WWP1: variants seen among roughly 807,000 people sequenced by gnomAD.
WWP1 encodes NEDD4-like E3 ubiquitin-protein ligase WWP1.
WWP1 carries 49 observed loss-of-function variants against 130.6 expected under a neutral mutation model. That is an observed-to-expected ratio of 0.38 (90% CI 0.30 to 0.48). The LOEUF (loss-of-function observed/expected upper bound fraction) is 0.48, where lower values mean the gene tolerates loss of function less well. Ranked by LOEUF, WWP1 falls within the 20% of genes least tolerant of loss-of-function variation. WWP1 has a pLI of 0.99. For missense variants in WWP1, 809 were observed against 1,100.6 expected, an observed-to-expected ratio of 0.74 and a Z score of 3.75; for synonymous variants, 332 against 367.8, an observed-to-expected ratio of 0.90 and a Z score of 1.11.
intron 18 of WWP1, among the ~76,000 whole-genome samples, chr8:86,444,201 A>G (rs1238592023): frequency 6.6e-6 from 1 of 152,226 alleles, no homozygotes; most frequent in Non-Finnish European, 1.5e-5. Flanking sequence ...TAGAACTAAC[A>G]GTTTTCTGAC....
intron 5 of WWP1, among the ~76,000 whole-genome samples, chr8:86,392,155 T>A (rs10090846): frequency 0.045 from 6,905 of 152,200 alleles, 496 homozygotes; most frequent in African/African-American, 0.16. Context: ...GTGGTAGTGG[T>A]GCTGGGATTG....
At chr8:86,356,778 C>CT (rs1271088766) in intron 1 of WWP1, among the ~76,000 whole-genome samples, 1 of 152,196 alleles carries the variant, frequency 6.6e-6, no homozygotes, top group Non-Finnish European at 1.5e-5. Flanking sequence ...TGGAGGAAAG[C>CT]TGTCAATTTC....
At chr8:86,390,217 G>C (rs187513495) in intron 5 of WWP1, among the ~76,000 whole-genome samples, 2 of 150,952 alleles carry the variant, frequency 1.3e-5, no homozygotes, top group Non-Finnish European at 3.0e-5. Context: ...CAGACTGGGC[G>C]GCCGGGCAGA....
intron 17 of WWP1, among the ~76,000 whole-genome samples, chr8:86,439,083 C>A (rs1331932257): frequency 6.6e-6 from 1 of 151,032 alleles, no homozygotes; most frequent in Non-Finnish European, 1.5e-5. Flanking sequence ...GTGGCTTACG[C>A]CTGTAATCCC....
chr8:86,451,758 A>G (rs554749912), intron 20 of WWP1, among the ~76,000 whole-genome samples: 50 of 152,264 alleles, frequency 3.3e-4, no homozygotes, highest in Non-Finnish European at 7.1e-4. Flanking sequence ...GCTTCTCTGT[A>G]TGAGGTGGTG....
chr8:86,376,524 G>T (rs1381844248), intron 3 of WWP1, among the ~76,000 whole-genome samples: 5 of 152,090 alleles, frequency 3.3e-5, no homozygotes. Context: ...AGCCGAGATG[G>T]CGTCACTGCA....
At chr8:86,381,374 T>G in intron 4 of WWP1, 131 bp from the exon 5 acceptor site, 1 of 1,149,650 alleles carries the variant, frequency 8.7e-7, no homozygotes, top group Non-Finnish European at 1.2e-6. Context: ...CATACAATAT[T>G]TCTTCTCAAA....
In WWP1 at chr8:86,430,798, CATATATATATATATAT is replaced by C. The variant is rs36226595; in HGVS notation, c.1387+66_1387+81del. The C allele has an allele frequency of 1.5e-3, 308 of 202,376 alleles. 10 individuals are homozygous for C. The highest frequency in any genetic ancestry group is 4.1e-3 in the Middle Eastern group (2 of 482). 12.5% of individuals were successfully genotyped at this position (202,376 alleles called of 1,614,324 possible). A position where few individuals can be genotyped will look rare whatever the true frequency, so the allele number is the denominator to read the frequency against. On this transcript the variant is annotated intron_variant, in intron 12 of 24. Coordinates refer to ENST00000517970, the MANE Select transcript of WWP1 (RefSeq NM_007013.4). ...TCTATAAGGGAGATATATATCTCTC[CATATATATATATATAT>C]ATATATATATATATATATGTTCCTT...
rs906501858 is a variant in WWP1, at chr8:86,422,446, A to G, written c.1062-2777A>G. ...GCAATCTTGGCTCACTGCAACCTCT[A>G]CCTCCTGGGTTCAAGCAGTTATCGT... On this transcript the variant is annotated intron_variant, in intron 9 of 24. Transcript: ENST00000517970. Among the ~76,000 whole-genome samples the G allele has an allele frequency of 2.1e-4, 32 of 151,442 alleles. No homozygotes were observed. In the East Asian group the frequency reaches 3.9e-3, roughly 18 times the overall value.
intron 9 of WWP1, among the ~76,000 whole-genome samples, chr8:86,424,035 C>T (rs575698433): frequency 8.5e-4 from 127 of 148,918 alleles, no homozygotes; most frequent in Non-Finnish European, 1.7e-3. Context: ...GGAGACGCTC[C>T]TCACTTCCCA....
At chr8:86,415,878 T>C (rs1808863998) in intron 9 of WWP1, among the ~76,000 whole-genome samples, 1 of 152,244 alleles carries the variant, frequency 6.6e-6, no homozygotes, top group South Asian at 2.1e-4. Context: ...TTTTATTTTG[T>C]CTATTTCTAT....
intron 21 of WWP1, among the ~76,000 whole-genome samples, chr8:86,453,344 C>T (rs926922485): frequency 3.3e-5 from 5 of 152,094 alleles, no homozygotes; most frequent in African/African-American, 1.2e-4. Context: ...AAGGTTCATT[C>T]GTCCTGTAGC....
chr8:86,365,512 A>G lies in WWP1; in HGVS notation c.-114-3427A>G, dbSNP rs376058209. ...TGTTATTTGTCTGGTAGATATTGCA[A>G]GTACTCTTCAAATCACTGGAATGGT... is the stretch of plus-strand genomic sequence containing the variant. On this transcript the variant is annotated intron_variant, in intron 1 of 24. Coordinates refer to ENST00000517970, the MANE Select transcript of WWP1 (RefSeq NM_007013.4). Among the ~76,000 whole-genome samples, 13 of 152,322 alleles carry G rather than the reference A, an allele frequency of 8.5e-5. 1 individual carries two copies. In the South Asian group the frequency reaches 2.7e-3, roughly 32 times the overall value.
intron 12 of WWP1, among the ~76,000 whole-genome samples, chr8:86,431,195 ATATAT>A (rs1342265812): frequency 5.7e-5 from 8 of 140,422 alleles, no homozygotes; most frequent in East Asian, 2.0e-4. Context: ...ATAATATAAT[ATATAT>A]TATATTCTCT....
At chr8:86,424,424 A>G (rs1356907360) in intron 9 of WWP1, among the ~76,000 whole-genome samples, 2 of 151,986 alleles carry the variant, frequency 1.3e-5, no homozygotes, top group Admixed American at 6.5e-5. Context: ...AGAGGCTGCA[A>G]TCTCGGCACT....
intron 1 of WWP1, among the ~76,000 whole-genome samples, chr8:86,352,559 C>T (rs1201233249): frequency 4.0e-5 from 6 of 151,746 alleles, no homozygotes; most frequent in Non-Finnish European, 1.5e-5. Context: ...AGATGGGGGT[C>T]TTACCTTATT....
chr8:86,398,638 G>A lies in WWP1; in HGVS notation c.539G>A (p.Arg180Lys). 6.2e-7 allele frequency: 1 copy of A among 1,611,652 alleles called. No individual in the cohort carries two copies. Among genetic ancestry groups the A allele is most frequent in the Non-Finnish European group, 8.5e-7 (1 of 1,179,600 alleles). Residue 180 changes from arginine (R) to lysine (K), a missense_variant and splice_region_variant, in exon 7 of 25, where the codon AGG becomes AAG. By Grantham distance (26) the Arg-to-Lys change is conservative (BLOSUM62 2). Transcript: ENST00000517970. ...NGEPSARTTA[R>K]LAVEGTNGID... ...GAGCCTTCAGCAAGGACAACTGCCA[G>A]GTAGAATATTTTATTTGAATATGGG... is the stretch of plus-strand genomic sequence containing the variant.
chr8:86,364,454 A>G (rs931863427), intron 1 of WWP1, among the ~76,000 whole-genome samples: 17 of 152,336 alleles, frequency 1.1e-4, no homozygotes, highest in Admixed American at 9.2e-4. Flanking sequence ...TACATTATAC[A>G]TGTTAATGAG....
At chr8:86,459,023 C>CTTTTTTTTTTTTTTTTTTTTT (rs71275853) in intron 22 of WWP1, among the ~76,000 whole-genome samples, 8 of 84,256 alleles carry the variant, frequency 9.5e-5, no homozygotes, top group Non-Finnish European at 1.4e-4. Context: ...TTTCTTTTTT[C>CTTTTTTTTTTTTTTTTTTTTT]TTTTTTTTTT....
Sources: allele counts gnomAD v4.1 joint callset (sites outside exome capture counted in the v4.1 genomes callset), GRCh38; gene constraint gnomAD v4.1.1; transcripts MANE v1.5; gene names NCBI Gene and HGNC (gene_info 2026-07-23, HGNC 2026-07-21).